The following ANK2 variants were observed in gnomAD, a reference collection of about 807,000 sequenced individuals.
The protein encoded by ANK2 is ankyrin-2.
A neutral mutation model predicts 360.5 loss-of-function variants in ANK2; 83 were observed. That is an observed-to-expected ratio of 0.23 (90% CI 0.19 to 0.28). The LOEUF (loss-of-function observed/expected upper bound fraction) is 0.28. Among genes scored for constraint, ANK2 ranks in the 10% least tolerant of loss-of-function variants. ANK2 has a pLI of 1.00. For missense variants in ANK2, 4,201 were observed against 4,795.7 expected, an observed-to-expected ratio of 0.88 and a Z score of 3.66; for synonymous variants, 1,740 against 1,759.5, an observed-to-expected ratio of 0.99 and a Z score of 0.28.
chr4:113,332,354 T>C (rs573797923), intron 28 of ANK2, among the ~76,000 whole-genome samples: 39 of 152,322 alleles, frequency 2.6e-4, no homozygotes, highest in African/African-American at 5.8e-4. Flanking sequence ...GATGTTGTTA[T>C]GATGAATTTG....
At chr4:113,152,414 C>T (rs2097130145) in intron 1 of ANK2, 1 of 152,084 alleles carries the variant, frequency 6.6e-6, no homozygotes, top group Non-Finnish European at 1.5e-5. Flanking sequence ...TTTTATGCCC[C>T]TTTAATCAAA....
intron 1 of ANK2, among the ~76,000 whole-genome samples, chr4:112,888,968 A>C (rs2079159873): frequency 6.6e-6 from 1 of 152,206 alleles, no homozygotes; most frequent in Non-Finnish European, 1.5e-5. Flanking sequence ...ATAGTGATAG[A>C]AAAAAGAAAT....
the ANK2 span, among the ~76,000 whole-genome samples, chr4:112,764,574 G>T: frequency 2.6e-5 from 4 of 152,062 alleles, no homozygotes; most frequent in Non-Finnish European, 5.9e-5. Flanking sequence ...GACCTCAGGT[G>T]ATCTACCCAC....
chr4:112,770,060 C>G, the ANK2 span, among the ~76,000 whole-genome samples: 1 of 152,180 alleles, frequency 6.6e-6, no homozygotes, highest in Admixed American at 6.5e-5. Flanking sequence ...TATATGTATC[C>G]TGTCCCACTG....
At chr4:112,882,636 A>T (rs2077016611) in intron 1 of ANK2, among the ~76,000 whole-genome samples, 1 of 152,154 alleles carries the variant, frequency 6.6e-6, no homozygotes, top group African/African-American at 2.4e-5. Flanking sequence ...AAATTTATGT[A>T]GGCAAAATGA....
chr4:112,738,412 C>G, the ANK2 span, among the ~76,000 whole-genome samples: 1 of 51,010 alleles, frequency 2.0e-5, no homozygotes, highest in Non-Finnish European at 4.2e-5. Flanking sequence ...GAGTCTGTCT[C>G]AAAAAAAAAA....
intron 2 of ANK2, among the ~76,000 whole-genome samples, chr4:112,914,433 C>T (rs1247228782): frequency 6.6e-6 from 1 of 151,864 alleles, no homozygotes; most frequent in Non-Finnish European, 1.5e-5. Flanking sequence ...CCAGCCTGGC[C>T]AACATGATGG....
At chr4:113,280,461 A>G (rs2153706928) in intron 17 of ANK2, among the ~76,000 whole-genome samples, 1 of 152,254 alleles carries the variant, frequency 6.6e-6, no homozygotes, top group Middle Eastern at 3.4e-3. Context: ...TCTTTCACTT[A>G]TCTGCCCCAG....
intron 2 of ANK2, among the ~76,000 whole-genome samples, chr4:112,915,857 A>C (rs977530581): frequency 1.3e-5 from 2 of 151,540 alleles, no homozygotes; most frequent in South Asian, 4.2e-4. Flanking sequence ...TTGCAATTTT[A>C]TTTCTGGGCA....
chr4:113,124,284 G>A (rs1267801790), intron 1 of ANK2, among the ~76,000 whole-genome samples: 1 of 152,132 alleles, frequency 6.6e-6, no homozygotes, highest in Non-Finnish European at 1.5e-5. Context: ...GCACTTCTAG[G>A]ACTCCTAACA....
At chr4:113,279,553 A>G (rs1041531267) in intron 17 of ANK2, among the ~76,000 whole-genome samples, 1 of 151,834 alleles carries the variant, frequency 6.6e-6, no homozygotes, top group Non-Finnish European at 1.5e-5. Context: ...TTGTGCCCCA[A>G]AGCAATAGAG....
chr4:112,976,142 A>G lies in ANK2; in HGVS notation c.21+71628A>G, dbSNP rs557744686. 2.6e-5 allele frequency among the ~76,000 whole-genome samples: 4 copies of G among 151,930 alleles called. No homozygotes were observed. The East Asian group carries it at 7.7e-4, about 29-fold the overall frequency. ...TGTGAAACAGCTTCAGTGACAAAGCAGCTTAGGAATTAAAAGAGTTTATCA... is the reference window on the plus strand; with the variant it reads ...TGTGAAACAGCTTCAGTGACAAAGCGGCTTAGGAATTAAAAGAGTTTATCA... On this transcript the variant is annotated intron_variant, in intron 2 of 30. Transcript: ENST00000503271.
chr4:112,962,943 AT>A (rs1346965221), intron 2 of ANK2, among the ~76,000 whole-genome samples: 1 of 152,128 alleles, frequency 6.6e-6, no homozygotes, highest in Non-Finnish European at 1.5e-5. Context: ...CAAGTGTTAT[AT>A]TTATTTATAT....
chr4:113,341,316 G>C lies in ANK2; in HGVS notation c.3894-372G>C, dbSNP rs965389772. On this transcript the variant is annotated intron_variant, in intron 32 of 45. Coordinates refer to ENST00000357077, the MANE Select transcript of ANK2 (RefSeq NM_001148.6). Reference sequence around the variant, plus strand: ...TAGAAAACTATGCAGTGAGATCCTTGTCTTATGTCTGCTATTGAGTTCACT... The same window carrying C: ...TAGAAAACTATGCAGTGAGATCCTTCTCTTATGTCTGCTATTGAGTTCACT... Among the ~76,000 whole-genome samples the C allele has an allele frequency of 4.6e-5, 7 of 152,266 alleles. No individual in the cohort carries two copies. In the East Asian group the frequency reaches 9.7e-4, roughly 21 times the overall value.
intron 1 of ANK2, among the ~76,000 whole-genome samples, chr4:113,087,160 T>A (rs185162050): frequency 6.6e-6 from 1 of 152,316 alleles, no homozygotes; most frequent in Non-Finnish European, 1.5e-5. Context: ...AGTGAGATGA[T>A]GATGCCGAAA....
chr4:113,119,229 A>C (rs1324861948), intron 1 of ANK2, among the ~76,000 whole-genome samples: 5 of 152,118 alleles, frequency 3.3e-5, no homozygotes, highest in Admixed American at 3.3e-4. Context: ...AGGCATAGCT[A>C]GTATTTGTCC....
chr4:112,901,233 T>C (rs1250805305), intron 1 of ANK2, among the ~76,000 whole-genome samples: 2 of 152,232 alleles, frequency 1.3e-5, no homozygotes, highest in Non-Finnish European at 2.9e-5. Context: ...AACAGCCATC[T>C]AACTATTCAT....
At chr4:112,710,433 C>T in the ANK2 span, among the ~76,000 whole-genome samples, 7 of 152,150 alleles carry the variant, frequency 4.6e-5, no homozygotes, top group Non-Finnish European at 1.0e-4. Context: ...AGGTGGCTCA[C>T]GCCTGTAATC....
At chr4:113,255,703 A>G (rs770698034) in intron 10 of ANK2, 32 bp from the exon 11 acceptor site, 4 of 1,600,304 alleles carry the variant, frequency 2.5e-6, no homozygotes, top group African/African-American at 2.7e-5. Flanking sequence ...AAAAAAAAAA[A>G]GGACATTATT....
Sources: allele counts gnomAD v4.1 joint callset (sites outside exome capture counted in the v4.1 genomes callset), GRCh38; gene constraint gnomAD v4.1.1; transcripts MANE v1.5; gene names NCBI Gene and HGNC (gene_info 2026-07-23, HGNC 2026-07-21).